MACF1: variants seen among roughly 807,000 people sequenced by gnomAD.
MACF1 encodes the protein microtubule actin crosslinking factor 1.
Under a neutral mutation model 854.8 loss-of-function variants are expected in MACF1, and 193 were observed. The observed-to-expected ratio is 0.23, with a 90% confidence interval of 0.20 to 0.25. The LOEUF (loss-of-function observed/expected upper bound fraction) is 0.25. Among genes scored for constraint, MACF1 ranks in the 10% least tolerant of loss-of-function variants. MACF1 has a pLI of 1.00. For missense variants in MACF1, 7,722 were observed against 8,929.1 expected (o/e 0.86, Z 5.45); for synonymous variants, 3,185 against 3,226.7 (o/e 0.99, Z 0.44).
intron 35 of MACF1, 100 bp from the exon 36 acceptor site, chr1:39,327,118 A>G: frequency 1.8e-6 from 2 of 1,129,234 alleles, no homozygotes; most frequent in South Asian, 1.9e-5. Context: ...GAAGAAGATC[A>G]TCCATCCAAG....
At chr1:39,148,110 C>A (rs1643505213) in intron 2 of MACF1, among the ~76,000 whole-genome samples, 1 of 152,160 alleles carries the variant, frequency 6.6e-6, no homozygotes, top group Non-Finnish European at 1.5e-5. Context: ...CTTACCTTTT[C>A]ATCTGAGTTC....
chr1:39,123,701 G>A (rs1234054838), intron 2 of MACF1, among the ~76,000 whole-genome samples: 2 of 146,560 alleles, frequency 1.4e-5, no homozygotes, highest in South Asian at 2.2e-4. Flanking sequence ...CACCATGCCC[G>A]GCTAATTCTT....
At position 39,387,385 on chromosome 1, in the gene MACF1, G is replaced by T; in HGVS notation, c.14543G>T (p.Gly4848Val). The T allele has an allele frequency of 6.2e-7, 1 of 1,614,184 alleles. No individual in the cohort carries two copies. The highest frequency in any genetic ancestry group is 8.5e-7 in the Non-Finnish European group (1 of 1,180,046). ...CAGAAAAGTCTTAATCAACACAGTG[G>T]CTCCTATGAGGTGATTGTGGCTGAA... ...EFQKSLNQHS[G>V]SYEVIVAEGE... Residue 4848 changes from glycine (G) to valine (V), a missense_variant, in exon 58 of 101, where the codon GGC becomes GTC. Gly to Val is a moderately radical substitution (Grantham distance 109). This residue lies in a region of MACF1 where 2,807 missense variants were observed against 3,235.8 expected (regional missense o/e 0.87). Coordinates refer to ENST00000564288, the MANE Select transcript of MACF1 (RefSeq NM_001394062.1).
chr1:39,375,467 A>T (rs1275093523), intron 52 of MACF1, among the ~76,000 whole-genome samples: 1 of 152,018 alleles, frequency 6.6e-6, no homozygotes, highest in Non-Finnish European at 1.5e-5. Context: ...ACGCCTGGCT[A>T]ATTTTTTGTA....
rs755663492 is a variant in MACF1, at chr1:39,333,099, C to G, written c.6511C>G (p.Gln2171Glu). Residue 2171 changes from glutamine to glutamate, a missense_variant, in exon 37 of 101, where the codon CAG (glutamine) becomes GAG (glutamate). Coordinates refer to ENST00000564288, the MANE Select transcript of MACF1 (RefSeq NM_001394062.1). The part of the protein sequence containing the change: ...QPLRNTSFTC[Q>E]NEQAHTLETE... ...TCTAAGAAACACTTCCTTTACATGTCAGAATGAACAAGCACACACTCTTGA... is the reference window on the plus strand; with the variant it reads ...TCTAAGAAACACTTCCTTTACATGTGAGAATGAACAAGCACACACTCTTGA... The G allele has an allele frequency of 3.1e-6, 5 of 1,614,066 alleles. No individual in the cohort carries two copies. The African/African-American group carries it at 5.3e-5, about 17-fold the overall frequency.
intron 2 of MACF1, among the ~76,000 whole-genome samples, chr1:39,086,548 T>C (rs1016222595): frequency 3.3e-5 from 5 of 152,244 alleles, no homozygotes; most frequent in Non-Finnish European, 1.5e-5. Context: ...ATAAACCTCT[T>C]TCTCCTGAAG....
In MACF1 at chr1:39,447,299, C is replaced by T. The variant is rs111300870; in HGVS notation, c.19606-133C>T. The stretch of plus-strand genomic sequence containing the variant: ...TCTTTACAAATAAAGCATGTTTGGA[C>T]GTTGATTAAATGAGGCTTCCTTTTT... On this transcript the variant is annotated intron_variant, in intron 80 of 100. Coordinates refer to ENST00000564288, the MANE Select transcript of MACF1 (RefSeq NM_001394062.1). 5.2e-4 allele frequency: 404 copies of T among 783,334 alleles called. 1 individual carries two copies. In the African/African-American group the frequency reaches 5.6e-3, roughly 11 times the overall value. The allele number at this position is 783,334 out of a possible 1,614,324, so 48.5% of individuals were successfully genotyped here. A position where few individuals can be genotyped will look rare whatever the true frequency, so the allele number is the denominator to read the frequency against.
In MACF1 at chr1:39,105,429, C is replaced by T; in HGVS notation, c.220+20991C>T. 1 of 988,244 alleles carries T rather than the reference C, an allele frequency of 1.0e-6. No homozygotes were observed. Among genetic ancestry groups the T allele is most frequent in the Non-Finnish European group, 1.2e-6 (1 of 832,850 alleles). 61.2% of individuals were successfully genotyped at this position (988,244 alleles called of 1,614,324 possible). A position where few individuals can be genotyped will look rare whatever the true frequency, so the allele number is the denominator to read the frequency against. ...CGAGCCGGGACCGGCGGAGCGCGAG[C>T]GGGCCGGGTGCGAGCGGACTGAGGA... On this transcript the variant is annotated intron_variant, in intron 2 of 93. Coordinates refer to the MACF1 transcript ENST00000361689. This position sits in a 1 kb window ranked among gnomAD's most constrained non-coding sequence, Gnocchi z 5.9.
At chr1:39,150,852 T>C (rs1363651776) in intron 2 of MACF1, among the ~76,000 whole-genome samples, 1 of 152,200 alleles carries the variant, frequency 6.6e-6, no homozygotes, top group Non-Finnish European at 1.5e-5. Flanking sequence ...CATTTTCGTA[T>C]TTATCTTCCC....
At position 39,388,461 on chromosome 1, in the gene MACF1, A is replaced by C; in HGVS notation, c.15619A>C (p.Lys5207Gln). The change falls in exon 58 of 101, where the codon AAA becomes CAA. Residue 5207 changes from lysine to glutamine, a missense_variant. Around this residue, in one of 15 missense-constraint regions of MACF1, gnomAD observed 2,807 missense variants for 3,235.8 expected, o/e 0.87. Transcript: ENST00000564288. ...CAAAAGGGAGCTAGAAGCCCTGAAC[A>C]AACAGTGTGGCAAACTGACAGAGAG... ...GLKRELEALN[K>Q]QCGKLTERGK... 6.2e-7 allele frequency: 1 copy of C among 1,614,138 alleles called. No individual in the cohort carries two copies. Among genetic ancestry groups the C allele is most frequent in the Non-Finnish European group, 8.5e-7 (1 of 1,180,024 alleles).
intron 2 of MACF1, among the ~76,000 whole-genome samples, chr1:39,162,238 G>C (rs1467634627): frequency 6.6e-6 from 1 of 152,168 alleles, no homozygotes; most frequent in Non-Finnish European, 1.5e-5. Flanking sequence ...CTGACCTCAA[G>C]TGATCTGCCC....
At chr1:39,151,408 A>G (rs6679564) in intron 2 of MACF1, among the ~76,000 whole-genome samples, 91,175 of 152,072 alleles carry the variant, frequency 0.6, 29,358 homozygotes, top group South Asian at 0.74. Context: ...GATTATAAAA[A>G]TAGTCACTCG....
chr1:39,281,737 A>C (rs1335698053), intron 6 of MACF1, among the ~76,000 whole-genome samples: 7 of 152,224 alleles, frequency 4.6e-5, no homozygotes, highest in Non-Finnish European at 8.8e-5. Context: ...ATAACCAGTC[A>C]ACCCCTCATT....
intron 94 of MACF1, 133 bp downstream of exon 94, chr1:39,463,819 A>G (rs981761906): frequency 5.7e-6 from 4 of 698,008 alleles, no homozygotes; most frequent in East Asian, 2.8e-5. Flanking sequence ...CCTCATCTCT[A>G]TAGATGCCAA....
At chr1:39,381,765 G>T (rs1650242267) in intron 55 of MACF1, among the ~76,000 whole-genome samples, 188 bp from the exon 56 acceptor site, 1 of 152,164 alleles carries the variant, frequency 6.6e-6, no homozygotes, top group Non-Finnish European at 1.5e-5. Flanking sequence ...AGGAGGTTGA[G>T]ACTTCAGTGA....
At chr1:39,480,193 G>C in intron 98 of MACF1, 184 bp downstream of exon 98, 1 of 452,102 alleles carries the variant, frequency 2.2e-6, no homozygotes, top group South Asian at 2.5e-5. Context: ...GCAGTACACA[G>C]ATATATGGCC....
At chr1:39,325,582 A>G (rs1413366036) in intron 35 of MACF1, among the ~76,000 whole-genome samples, 1 of 152,234 alleles carries the variant, frequency 6.6e-6, no homozygotes, top group East Asian at 1.9e-4. Flanking sequence ...TCTCAAGGAC[A>G]AAGGGGAGGA....
chr1:39,356,698 GT>G (rs1489418726), intron 44 of MACF1, among the ~76,000 whole-genome samples: 1 of 152,124 alleles, frequency 6.6e-6, no homozygotes, highest in Non-Finnish European at 1.5e-5. Flanking sequence ...ATTGTCACAT[GT>G]ATGATTTATT....
intron 2 of MACF1, among the ~76,000 whole-genome samples, chr1:39,194,607 T>G (rs1395649002): frequency 2.0e-5 from 3 of 151,940 alleles, no homozygotes; most frequent in African/African-American, 7.3e-5. Flanking sequence ...CCTTTTAATG[T>G]GCTGGGATTA....
Sources: allele counts gnomAD v4.1 joint callset (sites outside exome capture counted in the v4.1 genomes callset), GRCh38; gene constraint gnomAD v4.1.1; regional missense constraint gnomAD v4.1.1; non-coding constraint Gnocchi (gnomAD v3.1); transcripts MANE v1.5; gene names NCBI Gene and HGNC (gene_info 2026-07-23, HGNC 2026-07-21).